The following ADGRB2 variants were observed in gnomAD, a reference collection of about 807,000 sequenced individuals.
ADGRB2 encodes the protein adhesion G protein-coupled receptor B2.
A neutral mutation model predicts 178.7 loss-of-function variants in ADGRB2; 47 were observed. The observed-to-expected ratio is 0.26, with a 90% confidence interval of 0.21 to 0.34. ADGRB2 has a LOEUF of 0.34. Ranked by LOEUF, ADGRB2 falls within the 10% of genes least tolerant of loss-of-function variation. The pLI is 1.00. For missense variants in ADGRB2, 1,584 were observed against 2,180.8 expected (o/e 0.73, Z 5.45); for synonymous variants, 870 against 912.4 (o/e 0.95, Z 0.84).
In ADGRB2 at chr1:31,728,539, C is replaced by T; in HGVS notation, c.4416+59G>A. ...CTTGGACTACTTTTAGGAGTGAGCC[C>T]TCCAGGGACAGACACCACAGCCAGA... On this transcript the variant is annotated intron_variant, in intron 30 of 32. Coordinates refer to ENST00000373658, the MANE Select transcript of ADGRB2 (RefSeq NM_001364857.2). The surrounding 1 kb of genome is among the most constrained non-coding windows in gnomAD (Gnocchi z 6.7). The T allele has an allele frequency of 6.2e-7, 1 of 1,610,936 alleles. No individual in the cohort carries two copies. Among genetic ancestry groups the T allele is most frequent in the South Asian group, 1.1e-5 (1 of 91,014 alleles).
chr1:31,756,499 C>T lies in ADGRB2; in HGVS notation c.338G>A (p.Ser113Asn), dbSNP rs1341329667. 4 of 1,612,830 alleles carry T rather than the reference C, an allele frequency of 2.5e-6. No homozygotes were observed. The South Asian group carries it at 4.4e-5, about 18-fold the overall frequency. The part of the protein sequence containing the change: ...YLVNFTCLRP[S>N]PEEAVAQAES... ...CGCCTGGGCCACCGCCTCCTCGGGG[C>T]TAGGCCGCAGGCAGGTAAAGTTGAC... Residue 113 changes from serine to asparagine, a missense_variant, in exon 4 of 33, where the codon AGC becomes AAC. Ser to Asn is a conservative substitution (Grantham distance 46). Coordinates refer to ENST00000373658, the MANE Select transcript of ADGRB2 (RefSeq NM_001364857.2). This position sits in a 1 kb window ranked among gnomAD's most constrained non-coding sequence, Gnocchi z 8.5.
At position 31,739,039 on chromosome 1, in the gene ADGRB2, C is replaced by G. The variant is rs906864358; in HGVS notation, c.2496-102G>C. The G allele has an allele frequency of 7.2e-6, 8 of 1,107,912 alleles. No individual in the cohort carries two copies. In the African/African-American group the frequency reaches 1.1e-4, roughly 15 times the overall value. The allele number at this position is 1,107,912 out of a possible 1,614,324, so 68.6% of individuals were successfully genotyped here. ...GGGTGTGCAGAGGCTTCCAAGGAGC[C>G]AAGGCCCAGGGGAAGGCCTAACTCA... On this transcript the variant is annotated intron_variant, in intron 15 of 32. Coordinates refer to ENST00000373658, the MANE Select transcript of ADGRB2 (RefSeq NM_001364857.2).
Position 31,756,774 on chromosome 1 carries a change from C to G in ADGRB2, c.63G>C (p.Leu21=). 1 of 1,519,140 alleles carries G rather than the reference C, an allele frequency of 6.6e-7. No homozygotes were observed. The allele number at this position is 1,519,140 out of a possible 1,614,324, so 94.1% of individuals were successfully genotyped here. The change falls in exon 4 of 33, where the codon CTG becomes CTC. Residue 21 remains leucine (L), a synonymous_variant. Transcript: ENST00000373658. This position sits in a 1 kb window ranked among gnomAD's most constrained non-coding sequence, Gnocchi z 8.5. ...CCAGGCGCAGGGACAGAATCACAGA[C>G]AGTAAGAGGGGACAGGCTGGGGTCA... ...HRMTPACPLL[L]SVILSLRLAT...
chr1:31,729,200 G>C (rs1245984952), intron 29 of ADGRB2, among the ~76,000 whole-genome samples: 1 of 152,106 alleles, frequency 6.6e-6, no homozygotes. Context: ...ACTCAAGAAA[G>C]AGGCCTGAGA....
At chr1:31,732,654 G>C in intron 26 of ADGRB2, 42 bp from the exon 27 acceptor site, 1 of 1,599,760 alleles carries the variant, frequency 6.3e-7, no homozygotes, top group South Asian at 1.1e-5. Context: ...GCCACTGCAG[G>C]GCCCCCGACC....
At position 31,744,814 on chromosome 1, in the gene ADGRB2, GC is replaced by G; in HGVS notation, c.839-84del. On this transcript the variant is annotated intron_variant, in intron 4 of 32. Transcript: ENST00000373658. This position sits in a 1 kb window ranked among gnomAD's most constrained non-coding sequence, Gnocchi z 6.7. ...TGGCACAGTGAAGGCAGCCTTCCTT[GC>G]CCTCCGCCTGAGGGCCTGGAACCAA... 7.0e-7 allele frequency: 1 copy of G among 1,429,566 alleles called. No homozygotes were observed. The highest frequency in any genetic ancestry group is 1.2e-5 in the South Asian group (1 of 85,542). The allele number at this position is 1,429,566 out of a possible 1,614,324, so 88.6% of individuals were successfully genotyped here. A position where few individuals can be genotyped will look rare whatever the true frequency, so the allele number is the denominator to read the frequency against.
In ADGRB2 at chr1:31,738,302, G is replaced by A. The variant is rs1363596838; in HGVS notation, c.2670C>T (p.Asp890=). 2 of 1,614,010 alleles carry A rather than the reference G, an allele frequency of 1.2e-6. No individual in the cohort carries two copies. Among genetic ancestry groups the A allele is most frequent in the South Asian group, 1.1e-5 (1 of 91,086 alleles). ...TCTCCAGGGTCTGGCAATTTTCAGT[G>A]TCCCAGTCTCCTGAGCTGGCATCTC... The part of the protein sequence containing the change: ...SRADASSGDW[D]TENCQTLETQ... Residue 890 remains aspartate, a synonymous_variant, in exon 18 of 33, where the codon GAC becomes GAT. Coordinates refer to ENST00000373658, the MANE Select transcript of ADGRB2 (RefSeq NM_001364857.2).
At chr1:31,736,441 C>G (rs1645611869) in intron 21 of ADGRB2, 51 bp from the exon 22 acceptor site, 2 of 1,607,712 alleles carry the variant, frequency 1.2e-6, no homozygotes, top group African/African-American at 2.7e-5. Context: ...TTCAGGGACC[C>G]CTTGTTCTCC....
Position 31,761,500 on chromosome 1 carries a change from T to A in ADGRB2, c.-191+2384A>T, listed in dbSNP as rs1470386848. Among the ~76,000 whole-genome samples, 4 of 152,202 alleles carry A rather than the reference T, an allele frequency of 2.6e-5. No homozygotes were observed. Among genetic ancestry groups the A allele is most frequent in the African/African-American group, 9.6e-5 (4 of 41,452 alleles). ...GGGACTCTGACTGGGGTTTCTTCTC[T>A]GTACTTCTCCCACCTCTGCAGCCTC... is the stretch of plus-strand genomic sequence containing the variant. On this transcript the variant is annotated intron_variant, in intron 1 of 32. Coordinates refer to ENST00000373658, the MANE Select transcript of ADGRB2 (RefSeq NM_001364857.2). The surrounding 1 kb of genome is among the most constrained non-coding windows in gnomAD (Gnocchi z 4.2).
At chr1:31,750,694 A>G (rs1646521091) in intron 4 of ADGRB2, among the ~76,000 whole-genome samples, 1 of 151,958 alleles carries the variant, frequency 6.6e-6, no homozygotes, top group Non-Finnish European at 1.5e-5. Context: ...CCCTTGACAC[A>G]TGCTCTGTCA....
At position 31,764,181 on chromosome 1, in the gene ADGRB2, G is replaced by A; in HGVS notation, c.-488C>T. 2.5e-6 allele frequency: 1 copy of A among 403,030 alleles called. No homozygotes were observed. 25.0% of individuals were successfully genotyped at this position (403,030 alleles called of 1,614,324 possible). ...CGCTCCCCCGCCCCGAGCACCGCCC[G>A]CGCCGCGCGCCGCCTCCTATTTGCG... On this transcript the variant is annotated 5_prime_UTR_variant, in exon 1 of 33. Coordinates refer to ENST00000373658, the MANE Select transcript of ADGRB2 (RefSeq NM_001364857.2). The surrounding 1 kb of genome is among the most constrained non-coding windows in gnomAD (Gnocchi z 7.3).
chr1:31,737,328 C>A, intron 20 of ADGRB2, 101 bp downstream of exon 20: 1 of 1,117,860 alleles, frequency 8.9e-7, no homozygotes. Flanking sequence ...CACACATACA[C>A]CACCACTAAT....
chr1:31,743,406 A>T (rs1646096457), intron 6 of ADGRB2: 1 of 158,834 alleles, frequency 6.3e-6, no homozygotes, highest in Admixed American at 6.9e-5. Flanking sequence ...TCCGGGGGCA[A>T]GAGAAGCGCC....
chr1:31,755,867 T>C lies in ADGRB2; in HGVS notation c.838+132A>G. 7.7e-7 allele frequency: 1 copy of C among 1,305,540 alleles called. No individual in the cohort carries two copies. Among genetic ancestry groups the C allele is most frequent in the Non-Finnish European group, 1.0e-6 (1 of 956,430 alleles). The allele number at this position is 1,305,540 out of a possible 1,614,324, so 80.9% of individuals were successfully genotyped here. A position where few individuals can be genotyped will look rare whatever the true frequency, so the allele number is the denominator to read the frequency against. ...CCATGCATTTTGGTGACCGCAACAT[T>C]TGGACAAGGCTCAGCAGAGGGGTGA... On this transcript the variant is annotated intron_variant, in intron 4 of 32. Coordinates refer to ENST00000373658, the MANE Select transcript of ADGRB2 (RefSeq NM_001364857.2). The surrounding 1 kb of genome is among the most constrained non-coding windows in gnomAD (Gnocchi z 5.1).
At position 31,735,520 on chromosome 1, in the gene ADGRB2, A is replaced by C; in HGVS notation, c.3353+60T>G. The C allele has an allele frequency of 3.2e-6, 5 of 1,569,614 alleles. No homozygotes were observed. Among genetic ancestry groups the C allele is most frequent in the South Asian group, 1.1e-5 (1 of 89,056 alleles). ...GAGCCCTGAGTCTCCAAGAGCACCC[A>C]TGTCCCTCCCTCCCTGCACCATTTC... On this transcript the variant is annotated intron_variant, in intron 24 of 32. Coordinates refer to ENST00000373658, the MANE Select transcript of ADGRB2 (RefSeq NM_001364857.2). This position sits in a 1 kb window ranked among gnomAD's most constrained non-coding sequence, Gnocchi z 6.0.
At chr1:31,731,652 C>A (rs1263845374) in intron 28 of ADGRB2, among the ~76,000 whole-genome samples, 1 of 152,150 alleles carries the variant, frequency 6.6e-6, no homozygotes, top group Non-Finnish European at 1.5e-5. Context: ...AGGCCCAGCT[C>A]CCAGTGTCCT....
rs1420015950 is a variant in ADGRB2 at position 31,744,298 on chromosome 1, C to T, written c.982G>A (p.Gly328Ser). Residue 328 changes from glycine to serine, a missense_variant, in exon 6 of 33, where the codon GGT (glycine) becomes AGT (serine). Transcript: ENST00000373658. The surrounding 1 kb of genome is among the most constrained non-coding windows in gnomAD (Gnocchi z 6.7). ...WSVCSLTCGQ[G>S]LQVRTRSCVS... ...CAGGAGCGGGTCCGCACCTGCAGAC[C>T]CTGCCCACACGTCAGGGAACACACG... The T allele has an allele frequency of 1.2e-5, 18 of 1,551,234 alleles. No individual in the cohort carries two copies. Among genetic ancestry groups the T allele is most frequent in the Non-Finnish European group, 1.1e-5 (13 of 1,146,908 alleles).
At chr1:31,745,086 G>T (rs1468625630) in intron 4 of ADGRB2, among the ~76,000 whole-genome samples, 1 of 152,226 alleles carries the variant, frequency 6.6e-6, no homozygotes, top group Non-Finnish European at 1.5e-5. Flanking sequence ...CCTCTCACTG[G>T]AAAGAAGAAC....
At position 31,756,427 on chromosome 1, in the gene ADGRB2, G is replaced by C. The variant is rs373774455; in HGVS notation, c.410C>G (p.Ala137Gly). Residue 137 changes from alanine (A) to glycine (G), a missense_variant, in exon 4 of 33, where the codon GCG (alanine) becomes GGG (glycine). By Grantham distance (60) the Ala-to-Gly change is moderately conservative. Transcript: ENST00000373658. This position sits in a 1 kb window ranked among gnomAD's most constrained non-coding sequence, Gnocchi z 8.5. ...TGAGCCGCTGCACAGCTCCAACCCC[G>C]CTGCCGCCTCTGCCTCCTCCTCTTC... ...RPEEEEAEAA[A>G]GLELCSGSGP... is the part of the protein sequence containing the mutation. 1 of 1,612,064 alleles carries C rather than the reference G, an allele frequency of 6.2e-7. No individual in the cohort carries two copies. The highest frequency in any genetic ancestry group is 8.5e-7 in the Non-Finnish European group (1 of 1,179,388).
Sources: gnomAD v4.1 joint callset for allele counts (sites outside exome capture counted in the v4.1 genomes callset) on GRCh38, gnomAD v4.1.1 for gene constraint, Gnocchi (gnomAD v3.1) non-coding constraint, MANE v1.5 for transcripts, NCBI Gene and HGNC (gene_info 2026-07-23, HGNC 2026-07-21) for gene names.